Variants in RSPO3 observed in about 807,000 individuals in gnomAD.
RSPO3 encodes the protein R-spondin-3.
Under a neutral mutation model 36.5 loss-of-function variants are expected in RSPO3, and 17 were observed. That is an observed-to-expected ratio of 0.47 (90% CI 0.32 to 0.70). RSPO3 has a LOEUF of 0.70. RSPO3 is among the 30% of genes least tolerant of loss of function. RSPO3 has a pLI of 0.04. For synonymous variants in RSPO3, 108 were observed against 107.0 expected (o/e 1.01, Z -0.06); for missense variants, 294 against 322.5 (o/e 0.91, Z 0.68).
chr6:127,163,128 A>T (rs1032795106), intron 4 of RSPO3, among the ~76,000 whole-genome samples: 7 of 152,054 alleles, frequency 4.6e-5, no homozygotes, highest in Non-Finnish European at 8.8e-5. Context: ...CATCAGCATA[A>T]ATTTAAATTC....
Position 127,148,645 on chromosome 6 carries a change from C to T in RSPO3, c.98-3C>T, listed in dbSNP as rs1455405290. On this transcript the variant is annotated splice_region_variant and splice_polypyrimidine_tract_variant and intron_variant, in intron 1 of 4. Transcript: ENST00000356698. Reference sequence around the variant, plus strand: ...TAATGTCTTTCTACATTTGTCTCCACAGTGCATCCTAACGTTAGTCAAGGC... The same window carrying T: ...TAATGTCTTTCTACATTTGTCTCCATAGTGCATCCTAACGTTAGTCAAGGC... 1.2e-6 allele frequency: 2 copies of T among 1,608,064 alleles called. No individual in the cohort carries two copies. The highest frequency in any genetic ancestry group is 3.4e-5 in the Admixed American group (2 of 59,692).
chr6:127,197,439 C>T lies in RSPO3; in HGVS notation c.*1432C>T. ...GGATCTCTTTAGGGGATTGAAGTCA[C>T]CCTAGCTGAAGGCCTCACCAGTGTT... On this transcript the variant is annotated 3_prime_UTR_variant, in exon 5 of 5. Transcript: ENST00000356698. 1 of 1,550,520 alleles carries T rather than the reference C, an allele frequency of 6.4e-7. No individual in the cohort carries two copies.
chr6:127,120,891 C>A (rs1000077788), intron 1 of RSPO3, among the ~76,000 whole-genome samples: 1 of 152,246 alleles, frequency 6.6e-6, no homozygotes, highest in Non-Finnish European at 1.5e-5. Context: ...CTCTTTCATT[C>A]CGGCCCGGAC....
rs1397891867 is a variant in RSPO3, at chr6:127,198,312, A to G, written c.*2305A>G. 1.3e-5 allele frequency among the ~76,000 whole-genome samples: 2 copies of G among 152,260 alleles called. No homozygotes were observed. Among genetic ancestry groups the G allele is most frequent in the Non-Finnish European group, 2.9e-5 (2 of 68,050 alleles). ...ACATTCATTTTCATATGTTGGATGA[A>G]ATATAAATGAAGAAAAAGATAACAT... On this transcript the variant is annotated 3_prime_UTR_variant, in exon 5 of 5. Coordinates refer to ENST00000356698, the MANE Select transcript of RSPO3 (RefSeq NM_032784.5).
At chr6:127,159,653 T>A (rs527295785) in intron 4 of RSPO3, among the ~76,000 whole-genome samples, 1 of 147,476 alleles carries the variant, frequency 6.8e-6, no homozygotes, top group Non-Finnish European at 1.5e-5. Context: ...CCTTTTTTTT[T>A]TTTTTTTTTT....
At chr6:127,132,080 T>C (rs1487064944) in intron 1 of RSPO3, among the ~76,000 whole-genome samples, 1 of 152,128 alleles carries the variant, frequency 6.6e-6, no homozygotes, top group Non-Finnish European at 1.5e-5. Context: ...TTGCTTAAAA[T>C]TGTGTAACCA....
intron 1 of RSPO3, among the ~76,000 whole-genome samples, chr6:127,147,737 G>A (rs1774416336): frequency 6.6e-6 from 1 of 152,138 alleles, no homozygotes; most frequent in Non-Finnish European, 1.5e-5. Flanking sequence ...TCACACACTG[G>A]TAACTCTTGG....
chr6:127,186,975 T>A (rs992619715), intron 4 of RSPO3, among the ~76,000 whole-genome samples: 6 of 152,156 alleles, frequency 3.9e-5, no homozygotes, highest in Non-Finnish European at 7.3e-5. Context: ...TCCACTTTTT[T>A]AAATATTTAA....
chr6:127,180,029 T>A (rs1314118290), intron 4 of RSPO3, among the ~76,000 whole-genome samples: 1 of 151,894 alleles, frequency 6.6e-6, no homozygotes, highest in Non-Finnish European at 1.5e-5. Flanking sequence ...TATGCAAATA[T>A]GTATGAGACT....
At position 127,148,879 on chromosome 6, in the gene RSPO3, G is replaced by C. The variant is rs779909312; in HGVS notation, c.289+40G>C. The C allele has an allele frequency of 4.0e-6, 6 of 1,516,618 alleles. No individual in the cohort carries two copies. In the South Asian group the frequency reaches 6.1e-5, roughly 15 times the overall value. 93.9% of individuals were successfully genotyped at this position (1,516,618 alleles called of 1,614,324 possible). On this transcript the variant is annotated intron_variant, in intron 2 of 4. Transcript: ENST00000356698. The stretch of plus-strand genomic sequence containing the variant: ...GAAATTGTATTTTTATCTCATCTTT[G>C]GTGACTTTTCCAGATTGAAATGGCC...
chr6:127,191,123 A>T (rs1775401949), intron 4 of RSPO3, among the ~76,000 whole-genome samples: 1 of 152,192 alleles, frequency 6.6e-6, no homozygotes, highest in Non-Finnish European at 1.5e-5. Context: ...AATTTAATTT[A>T]TATCTGGGTG....
chr6:127,173,462 C>G (rs1206456563), intron 4 of RSPO3, among the ~76,000 whole-genome samples: 1 of 151,834 alleles, frequency 6.6e-6, no homozygotes, highest in Admixed American at 6.6e-5. Flanking sequence ...AAGAATCTCA[C>G]TTGGCTTTTT....
intron 4 of RSPO3, among the ~76,000 whole-genome samples, chr6:127,184,118 C>CA (rs548064967): frequency 2.2e-4 from 34 of 152,064 alleles, no homozygotes; most frequent in Admixed American, 4.6e-4. Flanking sequence ...TCCCACCACA[C>CA]ATGGGGATTA....
In RSPO3 at chr6:127,197,203, T is replaced by C. The variant is rs1775531970; in HGVS notation, c.*1196T>C. 2.0e-6 allele frequency: 1 copy of C among 507,840 alleles called. No individual in the cohort carries two copies. Among genetic ancestry groups the C allele is most frequent in the South Asian group, 3.1e-5 (1 of 31,794 alleles). The allele number at this position is 507,840 out of a possible 1,614,324, so 31.5% of individuals were successfully genotyped here. ...TATTTGTTTTTTGAATCCACCTTTA[T>C]CTGAGCCAATGGAGATTTACTTATA... is the stretch of plus-strand genomic sequence containing the variant. On this transcript the variant is annotated 3_prime_UTR_variant, in exon 5 of 5. Coordinates refer to ENST00000356698, the MANE Select transcript of RSPO3 (RefSeq NM_032784.5).
chr6:127,128,876 T>C (rs1284087259), intron 1 of RSPO3, among the ~76,000 whole-genome samples: 1 of 151,976 alleles, frequency 6.6e-6, no homozygotes, highest in East Asian at 1.9e-4. Context: ...GTACAAACCA[T>C]GGGGGAGTGT....
At chr6:127,187,992 A>T (rs187402650) in intron 4 of RSPO3, among the ~76,000 whole-genome samples, 16 of 152,264 alleles carry the variant, frequency 1.1e-4, no homozygotes, top group African/African-American at 3.1e-4. Flanking sequence ...ACAGGAAGGC[A>T]TCCTAGTATG....
rs1773778325 is a variant in RSPO3 at position 127,119,040 on chromosome 6, C to G, written c.-153C>G. ...TGTCCACCCGCCCCACTTCGCTTGC[C>G]ATCACAGCACGCCTATCGGATGTGA... is the stretch of plus-strand genomic sequence containing the variant. On this transcript the variant is annotated 5_prime_UTR_variant, in exon 1 of 5. Coordinates refer to ENST00000356698, the MANE Select transcript of RSPO3 (RefSeq NM_032784.5). The G allele has an allele frequency of 1.9e-6, 1 of 527,342 alleles. No homozygotes were observed. The highest frequency in any genetic ancestry group is 2.0e-5 in the African/African-American group (1 of 51,244). 32.7% of individuals were successfully genotyped at this position (527,342 alleles called of 1,614,324 possible).
intron 4 of RSPO3, among the ~76,000 whole-genome samples, chr6:127,158,009 T>C (rs1774628064): frequency 1.3e-5 from 2 of 150,788 alleles, no homozygotes; most frequent in South Asian, 4.1e-4. Flanking sequence ...GGCTCTACTG[T>C]ATATTTATAT....
chr6:127,145,460 G>A (rs546455932), intron 1 of RSPO3, among the ~76,000 whole-genome samples: 6 of 152,172 alleles, frequency 3.9e-5, no homozygotes, highest in Admixed American at 6.5e-5. Context: ...GTTTACAGAA[G>A]AATTTCATTG....
Sources: gnomAD v4.1 joint callset for allele counts (sites outside exome capture counted in the v4.1 genomes callset) on GRCh38, gnomAD v4.1.1 for gene constraint, MANE v1.5 for transcripts, NCBI Gene and HGNC (gene_info 2026-07-23, HGNC 2026-07-21) for gene names.